The following EFCAB6 variants were observed in gnomAD, a reference collection of about 807,000 sequenced individuals.
EFCAB6 encodes EF-hand calcium-binding domain-containing protein 6.
Under a neutral mutation model 169.8 loss-of-function variants are expected in EFCAB6, and 156 were observed. The observed-to-expected ratio is 0.92, with a 90% CI of 0.81 to 1.05. The LOEUF is 1.05. Ranked by LOEUF, EFCAB6 falls within the 50% of genes least tolerant of loss-of-function variation. The probability of loss-of-function intolerance (pLI) is 0.00; values close to 1 mark genes in which losing one functional copy is unlikely to be tolerated. For synonymous variants in EFCAB6, 698 were observed against 676.4 expected, an observed-to-expected ratio of 1.03 and a Z score of -0.50; for missense variants, 1,800 against 1,829.1, an observed-to-expected ratio of 0.98 and a Z score of 0.29.
chr22:43,734,670 C>T (rs1014651032), intron 7 of EFCAB6, among the ~76,000 whole-genome samples: 1 of 151,988 alleles, frequency 6.6e-6, no homozygotes, highest in South Asian at 2.1e-4. Flanking sequence ...ACTTTCCCAG[C>T]CGGAAAAGAT....
intron 17 of EFCAB6, among the ~76,000 whole-genome samples, chr22:43,663,241 C>T (rs1366263962): frequency 6.6e-6 from 1 of 152,180 alleles, no homozygotes; most frequent in African/African-American, 2.4e-5. Flanking sequence ...ACTTAGAGCT[C>T]TCTTGAGAAG....
intron 17 of EFCAB6, among the ~76,000 whole-genome samples, chr22:43,666,840 T>C (rs1039579395): frequency 3.3e-5 from 5 of 152,130 alleles, no homozygotes; most frequent in African/African-American, 1.2e-4. Context: ...ATGCAGCAGA[T>C]AGCCAAACCG....
Position 43,669,752 on chromosome 22 carries a change from G to C in EFCAB6, c.1641-707C>G, listed in dbSNP as rs375945107. The stretch of plus-strand genomic sequence containing the variant: ...TAAAGTATACCACAATGCAGATACA[G>C]TAAATGTAAAAAAAGAATTATAAAA... On this transcript the variant is annotated intron_variant, in intron 15 of 31. Transcript: ENST00000262726. Among the ~76,000 whole-genome samples the C allele has an allele frequency of 7.7e-4, 118 of 152,306 alleles. 2 individuals carry two copies. The South Asian group carries it at 0.023, about 29-fold the overall frequency.
chr22:43,576,215 G>T, intron 26 of EFCAB6, 82 bp downstream of exon 26: 1 of 1,220,114 alleles, frequency 8.2e-7, no homozygotes, highest in Non-Finnish European at 1.1e-6. Flanking sequence ...TATCTGATAT[G>T]GTTCTAATCA....
chr22:43,637,089 A>G (rs1286162860), intron 17 of EFCAB6, among the ~76,000 whole-genome samples: 2 of 152,178 alleles, frequency 1.3e-5, no homozygotes, highest in African/African-American at 4.8e-5. Context: ...GGCAAAATCC[A>G]GTCTGAGCCT....
At chr22:43,725,134 CTTTTTTTTTTTT>C (rs33983375) in intron 8 of EFCAB6, among the ~76,000 whole-genome samples, 1 of 94,696 alleles carries the variant, frequency 1.1e-5, no homozygotes, top group Non-Finnish European at 2.0e-5. Context: ...GCCAAACTGG[CTTTTTTTTTTTT>C]TTTTTTTTTT....
rs372164113 is a variant in EFCAB6 at position 43,530,774 on chromosome 22, G to A, written c.4383+41C>T. ...AGTTTCTGGCCGCTGGCATTTGGCA[G>A]CTGCTCCCTGCAGAGGCACTGGGCG... On this transcript the variant is annotated intron_variant, in intron 31 of 31. Transcript: ENST00000262726. 2.7e-5 allele frequency: 44 copies of A among 1,606,884 alleles called. No homozygotes were observed. The African/African-American group carries it at 5.2e-4, about 19-fold the overall frequency.
chr22:43,634,290 C>G (rs2055210486), intron 18 of EFCAB6, among the ~76,000 whole-genome samples: 1 of 152,176 alleles, frequency 6.6e-6, no homozygotes, highest in Non-Finnish European at 1.5e-5. Context: ...CTAAAACGCT[C>G]TGGCTTCTCA....
chr22:43,729,238 C>T (rs2059849138), intron 8 of EFCAB6, among the ~76,000 whole-genome samples: 1 of 152,198 alleles, frequency 6.6e-6, no homozygotes, highest in South Asian at 2.1e-4. Context: ...CTAGGTCCAA[C>T]CTCCAACACT....
At chr22:43,714,285 G>A (rs563504305) in intron 9 of EFCAB6, among the ~76,000 whole-genome samples, 229 of 151,504 alleles carry the variant, frequency 1.5e-3, no homozygotes, top group African/African-American at 5.5e-3. Context: ...ATGAAGGAGA[G>A]GCAAAGATGA....
chr22:43,778,067 A>C (rs2061695556), intron 3 of EFCAB6, among the ~76,000 whole-genome samples: 1 of 152,254 alleles, frequency 6.6e-6, no homozygotes, highest in African/African-American at 2.4e-5. Context: ...GAGGATGCAA[A>C]GAAACTACAA....
At chr22:43,773,130 A>G (rs369226383) in intron 3 of EFCAB6, 27 bp from the exon 4 acceptor site, 20 of 1,609,394 alleles carry the variant, frequency 1.2e-5, no homozygotes, top group Non-Finnish European at 1.5e-5. Flanking sequence ...GCTATTTATT[A>G]AACATGTTTA....
intron 6 of EFCAB6, among the ~76,000 whole-genome samples, chr22:43,753,534 C>T (rs2060845485): frequency 1.3e-5 from 2 of 152,074 alleles, no homozygotes; most frequent in Admixed American, 1.3e-4. Context: ...GAGATGAGAC[C>T]CAGAGGTCAT....
chr22:43,558,648 C>T (rs1408120876), intron 26 of EFCAB6, among the ~76,000 whole-genome samples: 1 of 152,144 alleles, frequency 6.6e-6, no homozygotes, highest in Non-Finnish European at 1.5e-5. Context: ...CCTTCAGCAA[C>T]CATCGACATT....
At chr22:43,769,300 A>G (rs1176615070) in intron 4 of EFCAB6, among the ~76,000 whole-genome samples, 1 of 152,244 alleles carries the variant, frequency 6.6e-6, no homozygotes, top group Non-Finnish European at 1.5e-5. Context: ...ATCTATGGTG[A>G]CAGAAAGTAC....
rs961312748 is a variant in EFCAB6 at position 43,604,700 on chromosome 22, G to GT, written c.2681+3781dup. On this transcript the variant is annotated intron_variant, in intron 22 of 31. Coordinates refer to ENST00000262726, the MANE Select transcript of EFCAB6 (RefSeq NM_022785.4). ...ACTTCTTGTGAACTGAAAACCATGGGTTTTTTTTTTGTCCACACGAGATGC... is the reference window on the plus strand; with the variant it reads ...ACTTCTTGTGAACTGAAAACCATGGGTTTTTTTTTTTGTCCACACGAGATGC... Among the ~76,000 whole-genome samples, 410 of 148,320 alleles carry GT rather than the reference G, an allele frequency of 2.8e-3. 1 individual carries two copies. The highest frequency in any genetic ancestry group is 0.011 in the East Asian group (56 of 5,070).
intron 6 of EFCAB6, among the ~76,000 whole-genome samples, chr22:43,752,930 G>A (rs1348987053): frequency 6.6e-6 from 1 of 152,196 alleles, no homozygotes; most frequent in Non-Finnish European, 1.5e-5. Context: ...GGTTTTAGTG[G>A]TGTTCAGCAA....
chr22:43,748,389 C>T (rs1003121372), intron 6 of EFCAB6, among the ~76,000 whole-genome samples: 2 of 152,170 alleles, frequency 1.3e-5, no homozygotes, highest in African/African-American at 4.8e-5. Flanking sequence ...TGTCTCCTTG[C>T]GGTGCTCTGG....
chr22:43,651,470 G>C (rs1317524289), intron 17 of EFCAB6, among the ~76,000 whole-genome samples: 5 of 152,266 alleles, frequency 3.3e-5, no homozygotes, highest in Non-Finnish European at 5.9e-5. Context: ...TTTGCCCGCA[G>C]GGGCAGGGCT....
Sources: gnomAD v4.1 joint callset for allele counts (sites outside exome capture counted in the v4.1 genomes callset) on GRCh38, gnomAD v4.1.1 for gene constraint, MANE v1.5 for transcripts, NCBI Gene and HGNC (gene_info 2026-07-23, HGNC 2026-07-21) for gene names.